The following MARCHF1 variants were observed in gnomAD, a reference collection of about 807,000 sequenced individuals.
MARCHF1 encodes the protein membrane associated ring-CH-type finger 1.
In MARCHF1, 40 loss-of-function variants were observed where a neutral mutation model predicts 54.2. That is an observed-to-expected ratio of 0.74 (90% CI 0.57 to 0.96). MARCHF1 has a LOEUF of 0.96. Ranked by LOEUF, MARCHF1 falls within the 40% of genes least tolerant of loss-of-function variation. MARCHF1 has a pLI of 0.00. For synonymous variants in MARCHF1, 236 were observed against 236.3 expected (o/e 1.00, Z 0.01); for missense variants, 586 against 656.5 (o/e 0.89, Z 1.17).
intron 7 of MARCHF1, among the ~76,000 whole-genome samples, chr4:163,610,421 T>C (rs1208783293): frequency 1.3e-5 from 2 of 152,158 alleles, no homozygotes; most frequent in African/African-American, 2.4e-5. Flanking sequence ...TTAAATATCC[T>C]GTCTTTGAAA....
chr4:163,845,513 TCTC>T (rs1749461363), intron 4 of MARCHF1, among the ~76,000 whole-genome samples: 1 of 149,814 alleles, frequency 6.7e-6, no homozygotes, highest in Non-Finnish European at 1.5e-5. Flanking sequence ...ACGTAAGGCC[TCTC>T]CTATTTGAGT....
At chr4:163,858,990 GGA>G (rs1434605501) in intron 3 of MARCHF1, among the ~76,000 whole-genome samples, 1 of 152,136 alleles carries the variant, frequency 6.6e-6, no homozygotes, top group African/African-American at 2.4e-5. Context: ...TGTCTCAAAT[GGA>G]GAGAGATGTT....
chr4:163,746,553 AAC>A (rs1412631086), intron 4 of MARCHF1, among the ~76,000 whole-genome samples: 10 of 152,184 alleles, frequency 6.6e-5, no homozygotes, highest in African/African-American at 2.4e-4. Context: ...ATGGTGTGAT[AAC>A]AGTTATATTT....
rs1424760739 is a variant in MARCHF1, at chr4:163,550,752, T to TA, written c.1192-5010dup. On this transcript the variant is annotated intron_variant, in intron 8 of 9. Transcript: ENST00000514618. ...GCTGGAGGATAATAAGTAAACCTTT[T>TA]ACAAATCCTTGGACTTGCTATGCTG... Among the ~76,000 whole-genome samples the TA allele has an allele frequency of 4.6e-5, 7 of 152,308 alleles. No homozygotes were observed. The South Asian group carries it at 1.4e-3, about 32-fold the overall frequency.
At chr4:163,731,836 T>C (rs1403186632) in intron 4 of MARCHF1, among the ~76,000 whole-genome samples, 1 of 152,122 alleles carries the variant, frequency 6.6e-6, no homozygotes, top group Admixed American at 6.5e-5. Flanking sequence ...ATTAAGGAAG[T>C]TTTTCCTAGT....
intron 3 of MARCHF1, among the ~76,000 whole-genome samples, chr4:163,884,891 T>A (rs2111252445): frequency 1.3e-5 from 2 of 152,162 alleles, no homozygotes; most frequent in South Asian, 4.1e-4. Flanking sequence ...CAAAAATACT[T>A]CAAAAGAAAA....
chr4:163,806,850 C>T (rs1748239434), intron 4 of MARCHF1, among the ~76,000 whole-genome samples: 1 of 152,006 alleles, frequency 6.6e-6, no homozygotes. Flanking sequence ...AAATTCCTGA[C>T]TAATGAAACA....
chr4:163,705,876 A>T (rs944787040), intron 4 of MARCHF1, among the ~76,000 whole-genome samples: 5 of 151,716 alleles, frequency 3.3e-5, no homozygotes, highest in African/African-American at 9.7e-5. Flanking sequence ...GCAATACAAC[A>T]CTCCTTTCTT....
At chr4:164,138,576 G>C (rs567166570) in intron 1 of MARCHF1, among the ~76,000 whole-genome samples, 1 of 152,266 alleles carries the variant, frequency 6.6e-6, no homozygotes, top group South Asian at 2.1e-4. Flanking sequence ...AGCAAATTAA[G>C]GAACGGGTAT....
chr4:163,539,639 G>C (rs917420195), intron 9 of MARCHF1, among the ~76,000 whole-genome samples: 49 of 152,146 alleles, frequency 3.2e-4, no homozygotes, highest in African/African-American at 1.2e-3. Flanking sequence ...GAATCACAGA[G>C]GGAGGAAGTC....
chr4:163,582,661 A>G (rs1422502028), intron 8 of MARCHF1, among the ~76,000 whole-genome samples: 2 of 152,164 alleles, frequency 1.3e-5, no homozygotes, highest in Non-Finnish European at 2.9e-5. Flanking sequence ...TTAGAATGTT[A>G]TAAACTGTAA....
chr4:163,674,799 C>T (rs370458652), intron 5 of MARCHF1, among the ~76,000 whole-genome samples: 2 of 152,012 alleles, frequency 1.3e-5, no homozygotes, highest in East Asian at 3.8e-4. Context: ...GTTAAGATTG[C>T]AGCAATATGA....
chr4:164,078,437 T>A (rs1755024099), intron 2 of MARCHF1, among the ~76,000 whole-genome samples: 1 of 152,134 alleles, frequency 6.6e-6, no homozygotes, highest in South Asian at 2.1e-4. Flanking sequence ...GATGACAGGT[T>A]GATGGGTACA....
intron 4 of MARCHF1, among the ~76,000 whole-genome samples, chr4:163,708,795 A>G (rs1374833296): frequency 6.6e-6 from 1 of 152,140 alleles, no homozygotes; most frequent in East Asian, 1.9e-4. Context: ...AAGAGAGGCC[A>G]GCAGGAGGGG....
intron 2 of MARCHF1, among the ~76,000 whole-genome samples, chr4:164,057,035 A>T (rs1175311587): frequency 6.6e-6 from 1 of 152,214 alleles, no homozygotes; most frequent in Non-Finnish European, 1.5e-5. Context: ...CCCCAGAAAG[A>T]TAATGCTAAG....
intron 4 of MARCHF1, among the ~76,000 whole-genome samples, chr4:163,732,172 T>C (rs1333399359): frequency 6.6e-6 from 1 of 151,266 alleles, no homozygotes; most frequent in East Asian, 1.9e-4. Flanking sequence ...ATCATATAAT[T>C]ATATTATTAA....
At chr4:164,235,987 T>G (rs1464220048) in intron 1 of MARCHF1, among the ~76,000 whole-genome samples, 15 of 152,038 alleles carry the variant, frequency 9.9e-5, no homozygotes. Context: ...ATTGCTTAGG[T>G]GTTTGCGTGC....
At chr4:164,132,588 A>T (rs916557138) in intron 1 of MARCHF1, among the ~76,000 whole-genome samples, 1 of 152,164 alleles carries the variant, frequency 6.6e-6, no homozygotes, top group Non-Finnish European at 1.5e-5. Context: ...TTTTAAGCGC[A>T]CATTTTTCCC....
chr4:163,973,058 CAT>C (rs1015534504), intron 3 of MARCHF1, among the ~76,000 whole-genome samples: 1 of 152,138 alleles, frequency 6.6e-6, no homozygotes, highest in Non-Finnish European at 1.5e-5. Flanking sequence ...TTTCAAAAAA[CAT>C]AGTGTTGCAA....
Sources: allele counts gnomAD v4.1 joint callset (sites outside exome capture counted in the v4.1 genomes callset), GRCh38; gene constraint gnomAD v4.1.1; transcripts MANE v1.5; gene names NCBI Gene and HGNC (gene_info 2026-07-23, HGNC 2026-07-21).